Variants in LRRTM4 observed in about 807,000 individuals in gnomAD.
The protein encoded by LRRTM4 is leucine-rich repeat transmembrane neuronal protein 4.
LRRTM4 carries 25 observed loss-of-function variants against 47.6 expected under a neutral mutation model. The observed-to-expected ratio is 0.53, with a 90% CI of 0.38 to 0.73. The LOEUF is 0.73. Ranked by LOEUF, LRRTM4 falls within the 30% of genes least tolerant of loss-of-function variation. LRRTM4 has a pLI of 0.00. For synonymous variants in LRRTM4, 311 were observed against 269.5 expected (o/e 1.15, Z -1.51); for missense variants, 638 against 713.4 (o/e 0.89, Z 1.20).
intron 3 of LRRTM4, among the ~76,000 whole-genome samples, chr2:76,947,812 T>C (rs1167405883): frequency 1.3e-5 from 2 of 151,784 alleles, no homozygotes; most frequent in African/African-American, 4.8e-5. Context: ...AAAGTGTGTG[T>C]TTCATTATTT....
intron 3 of LRRTM4, among the ~76,000 whole-genome samples, chr2:77,022,709 C>G (rs1256252341): frequency 6.6e-6 from 1 of 152,148 alleles, no homozygotes; most frequent in Non-Finnish European, 1.5e-5. Context: ...GTTTCATATC[C>G]AGGTCATGCT....
Position 77,419,990 on chromosome 2 carries a change from T to C in LRRTM4, c.1551+98328A>G, listed in dbSNP as rs568687173. Among the ~76,000 whole-genome samples the C allele has an allele frequency of 8.5e-5, 13 of 152,304 alleles. No individual in the cohort carries two copies. The East Asian group carries it at 2.5e-3, about 29-fold the overall frequency. ...GGTGGGAATCTGGGTGCAACTTAAC[T>C]GAGTGTCTGCACTTGAGGTTTCTCA... On this transcript the variant is annotated intron_variant, in intron 3 of 3. Transcript: ENST00000409884.
At chr2:76,863,985 G>T (rs146421072) in intron 3 of LRRTM4, among the ~76,000 whole-genome samples, 1 of 152,260 alleles carries the variant, frequency 6.6e-6, no homozygotes, top group African/African-American at 2.4e-5. Flanking sequence ...ACTATAAGTA[G>T]TTCACCACAT....
chr2:77,488,326 C>T (rs1164320687), intron 3 of LRRTM4, among the ~76,000 whole-genome samples: 2 of 152,192 alleles, frequency 1.3e-5, no homozygotes, highest in African/African-American at 2.4e-5. Flanking sequence ...CCTGCCCTGT[C>T]GCAGCTGGCA....
At chr2:77,066,174 T>C (rs1436724319) in intron 3 of LRRTM4, among the ~76,000 whole-genome samples, 1 of 152,174 alleles carries the variant, frequency 6.6e-6, no homozygotes, top group Non-Finnish European at 1.5e-5. Flanking sequence ...TGAGTTAGAT[T>C]GCTTATTATA....
intron 3 of LRRTM4, among the ~76,000 whole-genome samples, chr2:77,040,263 A>G (rs1466103201): frequency 6.6e-6 from 1 of 151,386 alleles, no homozygotes; most frequent in East Asian, 1.9e-4. Context: ...CAACATATAT[A>G]TATATAAAAT....
At chr2:77,046,323 G>T (rs1268535824) in intron 3 of LRRTM4, among the ~76,000 whole-genome samples, 3 of 151,928 alleles carry the variant, frequency 2.0e-5, no homozygotes. Flanking sequence ...CCATCTCTGG[G>T]AACAATTTTT....
At chr2:77,407,958 A>T (rs1674278622) in intron 3 of LRRTM4, among the ~76,000 whole-genome samples, 1 of 151,632 alleles carries the variant, frequency 6.6e-6, no homozygotes, top group South Asian at 2.1e-4. Context: ...ATGCCTAATC[A>T]TTTGTTTCTT....
intron 3 of LRRTM4, among the ~76,000 whole-genome samples, chr2:77,106,608 A>G (rs190029329): frequency 6.6e-6 from 1 of 152,266 alleles, no homozygotes; most frequent in African/African-American, 2.4e-5. Context: ...TTGTAGTGAG[A>G]TAGACACCCA....
At chr2:77,149,766 G>A (rs1672365409) in intron 3 of LRRTM4, among the ~76,000 whole-genome samples, 1 of 152,098 alleles carries the variant, frequency 6.6e-6, no homozygotes. Context: ...GTGCCTCACT[G>A]GTGAGCACTG....
intron 3 of LRRTM4, among the ~76,000 whole-genome samples, chr2:77,007,499 T>G (rs1423188611): frequency 6.6e-6 from 1 of 152,152 alleles, no homozygotes; most frequent in East Asian, 1.9e-4. Flanking sequence ...TACACAGAAA[T>G]AGCCATTTCC....
At chr2:77,106,304 C>G (rs371065172) in intron 3 of LRRTM4, among the ~76,000 whole-genome samples, 2 of 152,130 alleles carry the variant, frequency 1.3e-5, no homozygotes, top group Non-Finnish European at 2.9e-5. Flanking sequence ...TTCTGGAGAG[C>G]AGAGATTAGT....
At chr2:76,900,310 G>A (rs181916790) in intron 3 of LRRTM4, among the ~76,000 whole-genome samples, 1 of 149,118 alleles carries the variant, frequency 6.7e-6, no homozygotes, top group Non-Finnish European at 1.5e-5. Flanking sequence ...GTGGGATACT[G>A]ATATATATAG....
At chr2:77,417,457 A>G (rs757006346) in intron 3 of LRRTM4, among the ~76,000 whole-genome samples, 1 of 152,100 alleles carries the variant, frequency 6.6e-6, no homozygotes, top group African/African-American at 2.4e-5. Flanking sequence ...GTTTATTGCG[A>G]CACTATTCAC....
At chr2:77,088,979 G>A (rs1414833780) in intron 3 of LRRTM4, among the ~76,000 whole-genome samples, 4 of 151,956 alleles carry the variant, frequency 2.6e-5, no homozygotes, top group African/African-American at 9.7e-5. Flanking sequence ...TTTTATCCGT[G>A]GACCCAAAAC....
At chr2:77,216,251 T>C (rs1358405928) in intron 3 of LRRTM4, among the ~76,000 whole-genome samples, 1 of 152,218 alleles carries the variant, frequency 6.6e-6, no homozygotes, top group Admixed American at 6.5e-5. Flanking sequence ...GTAAACTTGG[T>C]TGCAAAGCCA....
At chr2:77,305,254 T>G (rs1677241256) in intron 3 of LRRTM4, among the ~76,000 whole-genome samples, 1 of 152,048 alleles carries the variant, frequency 6.6e-6, no homozygotes, top group African/African-American at 2.4e-5. Flanking sequence ...TTCCAATTTC[T>G]TATATATTTA....
At chr2:77,258,115 A>AAAAAAG (rs1376228730) in intron 3 of LRRTM4, among the ~76,000 whole-genome samples, 2 of 142,884 alleles carry the variant, frequency 1.4e-5, no homozygotes, top group Non-Finnish European at 1.5e-5. Flanking sequence ...AAAGAAAAGA[A>AAAAAAG]AAAAAGAAAA....
At chr2:77,113,284 C>T (rs1028364565) in intron 3 of LRRTM4, among the ~76,000 whole-genome samples, 9 of 152,010 alleles carry the variant, frequency 5.9e-5, no homozygotes, top group Non-Finnish European at 1.0e-4. Flanking sequence ...GCCAAAAGGT[C>T]CCAGTCTAAA....
Sources: allele counts gnomAD v4.1 joint callset (sites outside exome capture counted in the v4.1 genomes callset), GRCh38; gene constraint gnomAD v4.1.1; transcripts MANE v1.5; gene names NCBI Gene and HGNC (gene_info 2026-07-23, HGNC 2026-07-21).